Variants in NDUFA10 observed in about 807,000 individuals in gnomAD.
NDUFA10 encodes NADH dehydrogenase [ubiquinone] 1 alpha subcomplex subunit 10, mitochondrial.
A neutral mutation model predicts 47.8 loss-of-function variants in NDUFA10; 40 were observed. That is an observed-to-expected ratio of 0.84 (90% confidence interval 0.65 to 1.09). The LOEUF (loss-of-function observed/expected upper bound fraction) is 1.09. Ranked by LOEUF, NDUFA10 falls within the 50% of genes least tolerant of loss-of-function variation. The probability of loss-of-function intolerance (pLI) is 0.00; values close to 1 mark genes in which losing one functional copy is unlikely to be tolerated. For synonymous variants in NDUFA10, 183 were observed against 172.2 expected (o/e 1.06, Z -0.49); for missense variants, 413 against 451.1 (o/e 0.92, Z 0.76).
intron 8 of NDUFA10, among the ~76,000 whole-genome samples, chr2:239,996,649 A>G (rs1696492743): frequency 6.6e-6 from 1 of 152,186 alleles, no homozygotes; most frequent in Admixed American, 6.5e-5. Flanking sequence ...CAAGTCCCTT[A>G]CATAAAATCA....
chr2:240,020,195 C>T (rs1697562165), intron 3 of NDUFA10, among the ~76,000 whole-genome samples: 1 of 152,212 alleles, frequency 6.6e-6, no homozygotes, highest in African/African-American at 2.4e-5. Flanking sequence ...GTGAAAACCA[C>T]ATTCTTGTTC....
At chr2:239,895,838 G>A (rs750888999) in intron 4 of NDUFA10, among the ~76,000 whole-genome samples, 70 of 152,216 alleles carry the variant, frequency 4.6e-4, no homozygotes, top group Non-Finnish European at 1.3e-4. Flanking sequence ...TACTGGCCGT[G>A]CTACTGCCTT....
intron 4 of NDUFA10, among the ~76,000 whole-genome samples, chr2:239,930,726 G>C (rs1196507871): frequency 6.6e-6 from 1 of 152,146 alleles, no homozygotes; most frequent in Admixed American, 6.5e-5. Context: ...AAGAGTTCCT[G>C]GCAGGGGAAC....
At chr2:239,962,218 C>A (rs923930248) in intron 9 of NDUFA10, among the ~76,000 whole-genome samples, 1 of 151,438 alleles carries the variant, frequency 6.6e-6, no homozygotes, top group Non-Finnish European at 1.5e-5. Context: ...TGTACACACA[C>A]ACACACACAC....
intron 8 of NDUFA10, among the ~76,000 whole-genome samples, chr2:239,992,676 T>C (rs1385950984): frequency 6.6e-6 from 1 of 152,210 alleles, no homozygotes; most frequent in Admixed American, 6.5e-5. Flanking sequence ...GCTGGAGGCC[T>C]GACGTGTCCT....
intron 4 of NDUFA10, among the ~76,000 whole-genome samples, chr2:239,942,684 G>A (rs1694379226): frequency 1.3e-5 from 2 of 151,854 alleles, no homozygotes; most frequent in South Asian, 2.1e-4. Context: ...TGCGCATGCT[G>A]TGGTCCCTTC....
intron 4 of NDUFA10, among the ~76,000 whole-genome samples, chr2:239,911,350 C>T (rs573524017): frequency 4.6e-5 from 7 of 151,948 alleles, no homozygotes; most frequent in African/African-American, 1.7e-4. Flanking sequence ...GGCTCCCCTT[C>T]CTCTGTGTAG....
chr2:239,900,110 A>AG (rs1178277017), intron 4 of NDUFA10, among the ~76,000 whole-genome samples: 3 of 151,860 alleles, frequency 2.0e-5, no homozygotes, highest in African/African-American at 7.3e-5. Flanking sequence ...TCAGACTCCA[A>AG]GTTCTTCAGC....
intron 4 of NDUFA10, among the ~76,000 whole-genome samples, chr2:239,916,317 A>C (rs968661931): frequency 6.6e-6 from 1 of 151,856 alleles, no homozygotes; most frequent in African/African-American, 2.4e-5. Flanking sequence ...AGACACAGAT[A>C]CACAAACATA....
At chr2:239,965,868 G>A (rs1695036115) in intron 9 of NDUFA10, among the ~76,000 whole-genome samples, 1 of 152,184 alleles carries the variant, frequency 6.6e-6, no homozygotes, top group Admixed American at 6.5e-5. Context: ...ACTGTACAAT[G>A]CGAACGGAGT....
chr2:239,969,845 C>T lies in NDUFA10; in HGVS notation c.1000-8659G>A, dbSNP rs867708328. ...TTGAAGGCAGAGCAGCAGAAACTAT[C>T]CAAAATTAGGCACAGAAAGAAAAAG... On this transcript the variant is annotated intron_variant, in intron 9 of 9. Transcript: ENST00000252711. 3 of 458,966 alleles carry T rather than the reference C, an allele frequency of 6.5e-6. No individual in the cohort carries two copies. The Admixed American group carries it at 7.2e-5, about 11-fold the overall frequency. 28.4% of individuals were successfully genotyped at this position (458,966 alleles called of 1,614,324 possible).
Position 239,959,811 on chromosome 2 carries a change from A to G in NDUFA10, c.*1307T>C, listed in dbSNP as rs535746911. Reference sequence around the variant, plus strand: ...CAAGGACAGATGGAAGGAAGAAAGGAAGGGAGGGAAGGAGGAGGAAAGAAG... The same window carrying G: ...CAAGGACAGATGGAAGGAAGAAAGGGAGGGAGGGAAGGAGGAGGAAAGAAG... On this transcript the variant is annotated 3_prime_UTR_variant, in exon 10 of 10. Coordinates refer to ENST00000252711, the MANE Select transcript of NDUFA10 (RefSeq NM_004544.4). The G allele has an allele frequency of 1.0e-4, 87 of 861,416 alleles. No individual in the cohort carries two copies. Among genetic ancestry groups the G allele is most frequent in the Non-Finnish European group, 1.1e-4 (76 of 717,356 alleles). The allele number at this position is 861,416 out of a possible 1,614,324, so 53.4% of individuals were successfully genotyped here.
intron 9 of NDUFA10, among the ~76,000 whole-genome samples, chr2:239,979,713 C>T (rs897681914): frequency 5.9e-5 from 9 of 152,080 alleles, no homozygotes; most frequent in Admixed American, 3.9e-4. Context: ...TGATACTCGA[C>T]GTGGCAAGCA....
At chr2:239,993,842 T>C (rs893908740) in intron 8 of NDUFA10, among the ~76,000 whole-genome samples, 2 of 152,042 alleles carry the variant, frequency 1.3e-5, no homozygotes, top group African/African-American at 4.8e-5. Context: ...GCTAGGATTA[T>C]GGTTGACAGA....
chr2:239,959,902 T>C lies in NDUFA10; in HGVS notation c.*1216A>G, dbSNP rs1489556544. On this transcript the variant is annotated 3_prime_UTR_variant, in exon 10 of 10. Transcript: ENST00000252711. ...AGGAGGGAAGGAGTGTGCATCTTCT[T>C]CGCATGCTCCGCAGCAGCGAGGCCT... 8.1e-6 allele frequency: 8 copies of C among 985,318 alleles called. No individual in the cohort carries two copies. The African/African-American group carries it at 1.2e-4, about 15-fold the overall frequency. 61.0% of individuals were successfully genotyped at this position (985,318 alleles called of 1,614,324 possible). A position where few individuals can be genotyped will look rare whatever the true frequency, so the allele number is the denominator to read the frequency against.
intron 4 of NDUFA10, among the ~76,000 whole-genome samples, chr2:239,904,166 C>T (rs924721691): frequency 1.3e-5 from 2 of 152,154 alleles, no homozygotes; most frequent in African/African-American, 4.8e-5. Context: ...TGGTACACCC[C>T]AGAGATGGCC....
intron 4 of NDUFA10, among the ~76,000 whole-genome samples, chr2:239,900,738 C>T (rs1223981305): frequency 1.3e-5 from 2 of 152,216 alleles, no homozygotes; most frequent in African/African-American, 4.8e-5. Context: ...CCAGCCACCA[C>T]ATTCCCTGAA....
At chr2:239,946,285 G>A (rs1694451196) in intron 4 of NDUFA10, among the ~76,000 whole-genome samples, 1 of 152,204 alleles carries the variant, frequency 6.6e-6, no homozygotes, top group Non-Finnish European at 1.5e-5. Flanking sequence ...CACAGCTCCG[G>A]CCCCAGCCCC....
downstream of NDUFA10, among the ~76,000 whole-genome samples, chr2:239,955,121 T>C (rs1232755086): frequency 2.0e-5 from 3 of 152,238 alleles, no homozygotes; most frequent in Non-Finnish European, 4.4e-5. Context: ...AAGGAGTTTA[T>C]TATATTTATC....
Sources: gnomAD v4.1 joint callset for allele counts (sites outside exome capture counted in the v4.1 genomes callset) on GRCh38, gnomAD v4.1.1 for gene constraint, MANE v1.5 for transcripts, NCBI Gene and HGNC (gene_info 2026-07-23, HGNC 2026-07-21) for gene names.